The following DPP10 variants were observed in gnomAD, a reference collection of about 807,000 sequenced individuals.
The protein encoded by DPP10 is inactive dipeptidyl peptidase 10.
DPP10 carries 33 observed loss-of-function variants against 120.9 expected under a neutral mutation model. The ratio of observed to expected loss-of-function variants is 0.27; its 90% confidence interval spans 0.21 to 0.37. DPP10 has a LOEUF of 0.37. DPP10 is among the 10% of genes least tolerant of loss of function. DPP10 has a pLI of 1.00. For missense variants in DPP10, 816 were observed against 942.8 expected (o/e 0.87, Z 1.76); for synonymous variants, 337 against 326.1 (o/e 1.03, Z -0.36).
rs150871770 is a variant in DPP10, at chr2:115,520,292, C to T, written c.367-5606C>T. On this transcript the variant is annotated intron_variant, in intron 4 of 25. Transcript: ENST00000410059. ...AAGATAGCGCCATTGCACTCCAGCCCGGGTGACAGTGCGAGACTCCATCAA... is the reference window on the plus strand; with the variant it reads ...AAGATAGCGCCATTGCACTCCAGCCTGGGTGACAGTGCGAGACTCCATCAA... 4.6e-3 allele frequency among the ~76,000 whole-genome samples: 701 copies of T among 152,016 alleles called. 2 individuals carry two copies. Among genetic ancestry groups the T allele is most frequent in the African/African-American group, 0.016 (656 of 41,476 alleles).
intron 1 of DPP10, among the ~76,000 whole-genome samples, chr2:115,299,083 G>A (rs895585040): frequency 3.9e-5 from 6 of 152,016 alleles, no homozygotes; most frequent in African/African-American, 1.4e-4. Context: ...AAGATTGTCT[G>A]TCTGAATAAT....
At chr2:115,723,687 T>G (rs1011158728) in intron 7 of DPP10, among the ~76,000 whole-genome samples, 6 of 152,026 alleles carry the variant, frequency 3.9e-5, no homozygotes, top group African/African-American at 1.4e-4. Context: ...GAATATGTTT[T>G]GTTTGCAATT....
chr2:114,840,936 T>C (rs944984937), intron 1 of DPP10, among the ~76,000 whole-genome samples: 12 of 152,110 alleles, frequency 7.9e-5, no homozygotes, highest in African/African-American at 2.9e-4. Context: ...CATCCTTACA[T>C]ATGTAAATCA....
intron 1 of DPP10, among the ~76,000 whole-genome samples, chr2:115,130,427 C>T (rs180763624): frequency 6.6e-6 from 1 of 152,164 alleles, no homozygotes; most frequent in East Asian, 1.9e-4. Flanking sequence ...TTCTCATTTC[C>T]CCACATCTGT....
chr2:115,322,667 C>A (rs2062120508), intron 2 of DPP10, among the ~76,000 whole-genome samples: 2 of 152,170 alleles, frequency 1.3e-5, no homozygotes, highest in South Asian at 2.1e-4. Context: ...ACTAAGTTCT[C>A]AATAAATGCA....
chr2:115,814,454 A>G (rs7578999), intron 19 of DPP10, among the ~76,000 whole-genome samples: 2,779 of 152,290 alleles, frequency 0.018, 88 homozygotes, highest in African/African-American at 0.061. Flanking sequence ...AGACTTGTCT[A>G]CCAACTTGAC....
intron 3 of DPP10, among the ~76,000 whole-genome samples, chr2:115,402,579 AACAAAC>A (rs1266612054): frequency 6.6e-6 from 1 of 151,670 alleles, no homozygotes; most frequent in Non-Finnish European, 1.5e-5. Flanking sequence ...AAGCTTTGAA[AACAAAC>A]ACAAAGAAAT....
At chr2:114,809,598 A>T (rs985721153) in intron 1 of DPP10, among the ~76,000 whole-genome samples, 2 of 152,180 alleles carry the variant, frequency 1.3e-5, no homozygotes, top group African/African-American at 4.8e-5. Context: ...TCAGTTAATT[A>T]TGCAAATTTG....
chr2:114,896,356 T>C (rs755139005), intron 1 of DPP10, among the ~76,000 whole-genome samples: 10 of 152,298 alleles, frequency 6.6e-5, no homozygotes, highest in Non-Finnish European at 1.3e-4. Flanking sequence ...TTGATTCTTC[T>C]GACCCACGAG....
chr2:115,452,510 C>A (rs1343225311), intron 3 of DPP10, among the ~76,000 whole-genome samples: 1 of 151,828 alleles, frequency 6.6e-6, no homozygotes, highest in Non-Finnish European at 1.5e-5. Flanking sequence ...AATGATGACA[C>A]GTATGGTAAC....
intron 7 of DPP10, among the ~76,000 whole-genome samples, chr2:115,721,151 A>G (rs2092639915): frequency 6.6e-6 from 1 of 152,228 alleles, no homozygotes; most frequent in African/African-American, 2.4e-5. Flanking sequence ...GACATATGTT[A>G]GGAATCATGA....
chr2:115,067,454 G>A lies in DPP10; in HGVS notation c.61-241785G>A, dbSNP rs56403158. Among the ~76,000 whole-genome samples the A allele has an allele frequency of 5.3e-5, 8 of 150,314 alleles. No individual in the cohort carries two copies. In the Middle Eastern group the frequency reaches 0.014, roughly 261 times the overall value. ...TTTTTGATAGAGACGGGGTTTCACC[G>A]TGTTAGCCAGGATGGTTTCGATCTC... On this transcript the variant is annotated intron_variant, in intron 1 of 25. Coordinates refer to ENST00000410059, the MANE Select transcript of DPP10 (RefSeq NM_020868.6).
chr2:114,475,808 G>C (rs2104640165), intron 1 of DPP10, among the ~76,000 whole-genome samples: 1 of 152,352 alleles, frequency 6.6e-6, no homozygotes. Context: ...CAAGTGGAGA[G>C]TAAGGGTGAT....
At chr2:115,672,020 G>T (rs2089914993) in intron 5 of DPP10, among the ~76,000 whole-genome samples, 1 of 152,144 alleles carries the variant, frequency 6.6e-6, no homozygotes, top group Non-Finnish European at 1.5e-5. Context: ...AAAAGAACTG[G>T]TAGATGAGAT....
chr2:115,476,948 T>G (rs2075125611), intron 3 of DPP10, among the ~76,000 whole-genome samples: 1 of 152,102 alleles, frequency 6.6e-6, no homozygotes, highest in Non-Finnish European at 1.5e-5. Flanking sequence ...AAAAAATCAT[T>G]TAATAAAAAA....
In DPP10 at chr2:114,534,276, C is replaced by T. The variant is rs72840630; in HGVS notation, c.60+91438C>T. ...CTTCTTTTGGCATGGTCTCTATTTT[C>T]TCCTAGTTCCTCTTTGTTCTGTTTG... On this transcript the variant is annotated intron_variant, in intron 1 of 25. Transcript: ENST00000410059. Among the ~76,000 whole-genome samples the T allele has an allele frequency of 7.7e-3, 1,172 of 152,118 alleles. 6 individuals are homozygous for T. Among genetic ancestry groups the T allele is most frequent in the Admixed American group, 0.014 (216 of 15,262 alleles).
At chr2:114,601,939 A>G (rs184093751) in intron 1 of DPP10, among the ~76,000 whole-genome samples, 71 of 152,092 alleles carry the variant, frequency 4.7e-4, no homozygotes, top group African/African-American at 1.6e-3. Context: ...TGCACACTTA[A>G]AAATCATTTT....
intron 2 of DPP10, among the ~76,000 whole-genome samples, chr2:115,336,597 CTCTA>C (rs916933933): frequency 6.7e-5 from 10 of 148,956 alleles, no homozygotes; most frequent in African/African-American, 2.4e-4. Context: ...CTCTCTCTCT[CTCTA>C]TATATATATA....
intron 3 of DPP10, among the ~76,000 whole-genome samples, chr2:115,405,885 A>G (rs1283758211): frequency 3.9e-5 from 6 of 152,156 alleles, no homozygotes; most frequent in Non-Finnish European, 8.8e-5. Context: ...TCTGGGCCTA[A>G]GATAGGAGAA....
Sources: gnomAD v4.1 joint callset for allele counts (sites outside exome capture counted in the v4.1 genomes callset) on GRCh38, gnomAD v4.1.1 for gene constraint, MANE v1.5 for transcripts, NCBI Gene and HGNC (gene_info 2026-07-23, HGNC 2026-07-21) for gene names.